Variants in PAK5 observed in about 807,000 individuals in gnomAD.
PAK5 encodes the protein serine/threonine-protein kinase PAK 5.
PAK5 carries 16 observed loss-of-function variants against 65.9 expected under a neutral mutation model. The ratio of observed to expected loss-of-function variants is 0.24; its 90% CI spans 0.16 to 0.37. The LOEUF (loss-of-function observed/expected upper bound fraction) is 0.37, where lower values mean the gene tolerates loss of function less well. Ranked by LOEUF, PAK5 falls within the 10% of genes least tolerant of loss-of-function variation. The pLI is 1.00. For synonymous variants in PAK5, 371 were observed against 354.9 expected (o/e 1.05, Z -0.51); for missense variants, 785 against 903.9 (o/e 0.87, Z 1.69).
At chr20:9,682,306 A>G (rs6141002) in intron 2 of PAK5, among the ~76,000 whole-genome samples, 44,048 of 151,912 alleles carry the variant, frequency 0.29, 6,758 homozygotes, top group African/African-American at 0.38. Flanking sequence ...GCAGTGAGCC[A>G]AGATCATGCC....
chr20:9,653,961 CTTTT>C (rs35916583), intron 2 of PAK5, among the ~76,000 whole-genome samples: 1 of 135,994 alleles, frequency 7.4e-6, no homozygotes. Flanking sequence ...CTTTTCTTCT[CTTTT>C]TTTTTTTTTT....
At chr20:9,636,862 T>C (rs1217567290) in intron 3 of PAK5, among the ~76,000 whole-genome samples, 1 of 152,180 alleles carries the variant, frequency 6.6e-6, no homozygotes, top group African/African-American at 2.4e-5. Context: ...CCACAGATAA[T>C]CACATTTAAT....
At chr20:9,548,507 A>C (rs2045379569) in intron 7 of PAK5, among the ~76,000 whole-genome samples, 2 of 152,060 alleles carry the variant, frequency 1.3e-5, no homozygotes. Flanking sequence ...TTTGGCATGC[A>C]CTCAATCCTG....
chr20:9,834,880 T>C (rs221013), intron 1 of PAK5, among the ~76,000 whole-genome samples: 94,344 of 151,798 alleles, frequency 0.62, 29,425 homozygotes, highest in Admixed American at 0.64. Context: ...CTTCCAAGGG[T>C]GTAGCATGGC....
intron 3 of PAK5, among the ~76,000 whole-genome samples, chr20:9,613,334 A>G (rs867896285): frequency 1.4e-4 from 21 of 152,378 alleles, no homozygotes; most frequent in Middle Eastern, 3.4e-3. Flanking sequence ...ACAGAAGATC[A>G]CAGCTTACCA....
At chr20:9,615,021 C>T (rs532043355) in intron 3 of PAK5, among the ~76,000 whole-genome samples, 6 of 152,114 alleles carry the variant, frequency 3.9e-5, no homozygotes, top group Admixed American at 3.9e-4. Context: ...GCTACCGAGC[C>T]ATGAAAAGAT....
At chr20:9,605,538 T>A (rs2046438126) in intron 3 of PAK5, among the ~76,000 whole-genome samples, 1 of 152,168 alleles carries the variant, frequency 6.6e-6, no homozygotes, top group South Asian at 2.1e-4. Flanking sequence ...TATTGCTAGA[T>A]TGGAGGAAGG....
chr20:9,758,136 G>T (rs917193588), intron 1 of PAK5, among the ~76,000 whole-genome samples: 4 of 152,104 alleles, frequency 2.6e-5, no homozygotes, highest in Admixed American at 2.6e-4. Context: ...ATACTTTCTG[G>T]GGCAACAAAG....
chr20:9,617,213 G>T (rs1246570085), intron 3 of PAK5, among the ~76,000 whole-genome samples: 1 of 152,192 alleles, frequency 6.6e-6, no homozygotes, highest in Non-Finnish European at 1.5e-5. Context: ...TCTGATGTGT[G>T]AGCTGTACGA....
intron 3 of PAK5, among the ~76,000 whole-genome samples, chr20:9,617,482 T>C (rs992193183): frequency 6.6e-5 from 10 of 151,138 alleles, no homozygotes; most frequent in African/African-American, 2.2e-4. Context: ...TGCTTAATTG[T>C]AATATGATAA....
chr20:9,743,236 C>G (rs941860528), intron 1 of PAK5, among the ~76,000 whole-genome samples: 7 of 151,836 alleles, frequency 4.6e-5, no homozygotes, highest in Admixed American at 2.0e-4. Flanking sequence ...CAGGCATGGT[C>G]TTGAACACCT....
At chr20:9,558,007 CATTTATTTATTT>C (rs59495767) in intron 6 of PAK5, among the ~76,000 whole-genome samples, 51 of 140,722 alleles carry the variant, frequency 3.6e-4, no homozygotes, top group Admixed American at 1.1e-3. Flanking sequence ...TCCAGGAACT[CATTTATTTATTT>C]ATTTATTTAT....
At chr20:9,830,900 C>A (rs1314847953) in intron 1 of PAK5, among the ~76,000 whole-genome samples, 1 of 152,174 alleles carries the variant, frequency 6.6e-6, no homozygotes, top group African/African-American at 2.4e-5. Flanking sequence ...ACCCCTAAGT[C>A]CTAGGGTAAT....
intron 1 of PAK5, among the ~76,000 whole-genome samples, chr20:9,801,260 T>C (rs1706686989): frequency 6.6e-6 from 1 of 152,042 alleles, no homozygotes; most frequent in African/African-American, 2.4e-5. Context: ...CTACAAATAT[T>C]TACTAGCCAT....
At chr20:9,782,924 C>CTTTTTTTTTTTTTTTTTTTTTTTTT (rs113360688) in intron 1 of PAK5, among the ~76,000 whole-genome samples, 1 of 143,432 alleles carries the variant, frequency 7.0e-6, no homozygotes, top group Non-Finnish European at 1.5e-5. Flanking sequence ...CTCTTTCTTT[C>CTTTTTTTTTTTTTTTTTTTTTTTTT]TTTTTTTTTT....
In PAK5 at chr20:9,566,097, C is replaced by A. The variant is rs1485520095; in HGVS notation, c.1278G>T (p.Arg426Ser). 1.9e-6 allele frequency: 3 copies of A among 1,613,826 alleles called. No individual in the cohort carries two copies. The highest frequency in any genetic ancestry group is 1.3e-5 in the African/African-American group (1 of 74,934). Residue 426 changes from arginine (R) to serine (S), a missense_variant, in exon 5 of 10, where the codon AGG (arginine) becomes AGT (serine). By Grantham distance (110) the Arg-to-Ser change is moderately radical. Coordinates refer to ENST00000353224, the MANE Select transcript of PAK5 (RefSeq NM_177990.4). ...CCGCCCGAAACTGTTCATGGGACAC[C>A]CTGGAGGGCTGCTGGTCGGAGGAGG... ...WGSSSDQQPS[R>S]VSHEQFRAAL...
chr20:9,593,814 C>T (rs1206815810), intron 3 of PAK5, among the ~76,000 whole-genome samples: 1 of 152,122 alleles, frequency 6.6e-6, no homozygotes, highest in East Asian at 1.9e-4. Context: ...GGATCTCTCT[C>T]TCTCTCTCTC....
At chr20:9,729,142 G>C (rs560639920) in intron 1 of PAK5, among the ~76,000 whole-genome samples, 2 of 152,156 alleles carry the variant, frequency 1.3e-5, no homozygotes, top group East Asian at 3.9e-4. Context: ...GGCTGAGGCA[G>C]GAGAATGGTG....
At chr20:9,544,057 G>A (rs930853297) in intron 8 of PAK5, among the ~76,000 whole-genome samples, 1 of 152,270 alleles carries the variant, frequency 6.6e-6, no homozygotes, top group Middle Eastern at 3.4e-3. Flanking sequence ...CACTTTGCAA[G>A]TTGCATTGCC....
Sources: allele counts gnomAD v4.1 joint callset (sites outside exome capture counted in the v4.1 genomes callset), GRCh38; gene constraint gnomAD v4.1.1; transcripts MANE v1.5; gene names NCBI Gene and HGNC (gene_info 2026-07-23, HGNC 2026-07-21).